MTUS2: variants seen among roughly 807,000 people sequenced by gnomAD.
MTUS2 encodes microtubule associated scaffold protein 2.
Under a neutral mutation model 114.1 loss-of-function variants are expected in MTUS2, and 40 were observed. The observed-to-expected ratio is 0.35, with a 90% CI of 0.27 to 0.46. The LOEUF (loss-of-function observed/expected upper bound fraction) is 0.46. MTUS2 is among the 20% of genes least tolerant of loss of function. The probability of loss-of-function intolerance (pLI) is 1.00; values close to 1 mark genes in which losing one functional copy is unlikely to be tolerated. For missense variants in MTUS2, 1,679 were observed against 1,705.4 expected (o/e 0.98, Z 0.27); for synonymous variants, 688 against 672.0 (o/e 1.02, Z -0.37).
intron 5 of MTUS2, among the ~76,000 whole-genome samples, chr13:29,161,454 G>A (rs770844470): frequency 1.3e-5 from 2 of 151,172 alleles, no homozygotes; most frequent in South Asian, 2.1e-4. Context: ...TATAGTATAC[G>A]TTATAGCTTG....
Position 29,181,211 on chromosome 13 carries a change from G to A in MTUS2, c.2644+80241G>A, listed in dbSNP as rs553717862. On this transcript the variant is annotated intron_variant, in intron 5 of 15. Transcript: ENST00000612955. Reference sequence around the variant, plus strand: ...GCTGCACTGGAACATCTGTTCCTTAGTACCGACTGTGTAACCCTATCAGCC... The same window carrying A: ...GCTGCACTGGAACATCTGTTCCTTAATACCGACTGTGTAACCCTATCAGCC... 2.2e-4 allele frequency among the ~76,000 whole-genome samples: 25 copies of A among 115,710 alleles called. 1 individual carries two copies. Among genetic ancestry groups the A allele is most frequent in the African/African-American group, 8.0e-4 (25 of 31,408 alleles). The allele number at this position is 115,710 out of a possible 152,430, so 75.9% of individuals were successfully genotyped here. A position where few individuals can be genotyped will look rare whatever the true frequency, so the allele number is the denominator to read the frequency against.
intron 2 of MTUS2, among the ~76,000 whole-genome samples, chr13:28,944,245 T>C (rs1882397924): frequency 6.6e-6 from 1 of 152,204 alleles, no homozygotes; most frequent in Admixed American, 6.5e-5. Flanking sequence ...TATTGCTTTC[T>C]AGCTATTCTG....
At chr13:29,359,505 AT>A (rs2138228595) in intron 8 of MTUS2, 32 bp downstream of exon 8, 1 of 1,586,308 alleles carries the variant, frequency 6.3e-7, no homozygotes, top group Non-Finnish European at 8.6e-7. Flanking sequence ...GTCCAAGGGC[AT>A]TTTGGTTGGA....
chr13:28,821,659 A>G (rs1266953162), intron 1 of MTUS2, among the ~76,000 whole-genome samples: 2 of 152,350 alleles, frequency 1.3e-5, no homozygotes, highest in African/African-American at 4.8e-5. Context: ...GTCTGGGCTG[A>G]TACCTTGATA....
chr13:29,305,360 G>GA (rs143560828), intron 6 of MTUS2, among the ~76,000 whole-genome samples: 12 of 151,664 alleles, frequency 7.9e-5, no homozygotes, highest in African/African-American at 2.7e-4. Flanking sequence ...CTAGTTTTGT[G>GA]AAAAAAAAAG....
chr13:29,349,641 G>C (rs1172768916), intron 7 of MTUS2, among the ~76,000 whole-genome samples: 4 of 152,004 alleles, frequency 2.6e-5, no homozygotes, highest in African/African-American at 4.8e-5. Context: ...GCTTTGTTCA[G>C]AATCCAAGTT....
chr13:29,072,660 CA>C (rs1339013066), intron 4 of MTUS2, among the ~76,000 whole-genome samples: 2 of 152,132 alleles, frequency 1.3e-5, no homozygotes, highest in Non-Finnish European at 2.9e-5. Context: ...AATTTGCTCA[CA>C]AAAAATATTG....
intron 8 of MTUS2, among the ~76,000 whole-genome samples, chr13:29,372,957 G>GT (rs1320125414): frequency 6.6e-6 from 1 of 150,996 alleles, no homozygotes; most frequent in African/African-American, 2.5e-5. Flanking sequence ...AGGATATGCA[G>GT]TGGGCAGATT....
intron 6 of MTUS2, among the ~76,000 whole-genome samples, chr13:29,289,105 T>C (rs1898604185): frequency 6.6e-6 from 1 of 152,250 alleles, no homozygotes; most frequent in Non-Finnish European, 1.5e-5. Flanking sequence ...AAGATTTTGG[T>C]TCAGGGGCAC....
intron 9 of MTUS2, among the ~76,000 whole-genome samples, chr13:29,451,788 A>G (rs1403228046): frequency 2.6e-5 from 4 of 152,180 alleles, no homozygotes; most frequent in African/African-American, 9.6e-5. Flanking sequence ...GGGTTTCACC[A>G]TATTTCTCCA....
chr13:28,890,781 G>A (rs1043088963), intron 2 of MTUS2, among the ~76,000 whole-genome samples: 2 of 152,100 alleles, frequency 1.3e-5, no homozygotes, highest in Non-Finnish European at 2.9e-5. Context: ...CTGTCATCTA[G>A]TCTCATGGCT....
chr13:29,115,958 G>A (rs936870385), intron 5 of MTUS2, among the ~76,000 whole-genome samples: 1 of 152,214 alleles, frequency 6.6e-6, no homozygotes, highest in Admixed American at 6.5e-5. Context: ...CCATAACAGA[G>A]CATGATATCA....
At chr13:29,268,526 T>C (rs1341276930) in intron 5 of MTUS2, among the ~76,000 whole-genome samples, 2 of 152,186 alleles carry the variant, frequency 1.3e-5, no homozygotes, top group African/African-American at 2.4e-5. Context: ...GTGGCAGCCA[T>C]GCTCGTCCCT....
intron 6 of MTUS2, among the ~76,000 whole-genome samples, chr13:29,291,153 C>T (rs1898695505): frequency 6.6e-6 from 1 of 152,168 alleles, no homozygotes; most frequent in Non-Finnish European, 1.5e-5. Context: ...TTCTTAGAGA[C>T]ACTGATAGCA....
rs761441774 is a variant in MTUS2, at chr13:28,991,399, C to T, written c.-242-33058C>T. 1.0e-3 allele frequency among the ~76,000 whole-genome samples: 145 copies of T among 145,636 alleles called. 1 individual carries two copies. The highest frequency in any genetic ancestry group is 5.3e-3 in the East Asian group (26 of 4,914). On this transcript the variant is annotated intron_variant, in intron 2 of 15. Coordinates refer to ENST00000612955, the MANE Select transcript of MTUS2 (RefSeq NM_001033602.4). ...TTTTTTTTTTTTTGAGACGGAGTCT[C>T]GCTCTGCCACCCAGGCTGGAGTGCA...
Position 29,389,745 on chromosome 13 carries a change from ACATACATATGTG to A in MTUS2, c.3117+30273_3117+30284del, listed in dbSNP as rs1873147093. On this transcript the variant is annotated intron_variant, in intron 8 of 15. Transcript: ENST00000612955. Reference sequence around the variant, plus strand: ...CATACATATGTGTGTATATGTATATACATACATATGTGTGTATATGTATATACATACATATGT... The same window carrying A: ...CATACATATGTGTGTATATGTATATATGTATATGTATATACATACATATGT... 2.2e-4 allele frequency among the ~76,000 whole-genome samples: 11 copies of A among 49,822 alleles called. 1 individual carries two copies. Among genetic ancestry groups the A allele is most frequent in the African/African-American group, 6.5e-4 (10 of 15,450 alleles). The allele number at this position is 49,822 out of a possible 152,430, so 32.7% of individuals were successfully genotyped here. A position where few individuals can be genotyped will look rare whatever the true frequency, so the allele number is the denominator to read the frequency against.
intron 9 of MTUS2, among the ~76,000 whole-genome samples, chr13:29,469,097 C>G (rs115604271): frequency 6.6e-6 from 1 of 152,190 alleles, no homozygotes; most frequent in Admixed American, 6.5e-5. Context: ...CCTCGTTTGA[C>G]GGATGAGAAT....
Position 29,100,818 on chromosome 13 carries a change from T to C in MTUS2, c.2492T>C (p.Leu831Pro), listed in dbSNP as rs1890380306. 2 of 1,551,658 alleles carry C rather than the reference T, an allele frequency of 1.3e-6. No homozygotes were observed. The highest frequency in any genetic ancestry group is 1.7e-6 in the Non-Finnish European group (2 of 1,147,002). ...AGTTCAAATGCTGCAAAATCCAATC[T>C]CCCGAAATCTGGTCTCCGTCCTCCC... Reference protein sequence around the residue: ...ASSSNAAKSNLPKSGLRPPGY... With the variant: ...ASSSNAAKSNPPKSGLRPPGY... The change falls in exon 5 of 16, where the codon CTC becomes CCC. Residue 831 changes from leucine (L) to proline (P), a missense_variant. Leu to Pro is a moderately conservative substitution (Grantham distance 98). Transcript: ENST00000612955.
At chr13:29,057,107 T>C (rs2138628199) in intron 4 of MTUS2, among the ~76,000 whole-genome samples, 1 of 152,212 alleles carries the variant, frequency 6.6e-6, no homozygotes, top group Non-Finnish European at 1.5e-5. Flanking sequence ...CATGTAATTG[T>C]ATGGTTTTGA....
Sources: allele counts gnomAD v4.1 joint callset (sites outside exome capture counted in the v4.1 genomes callset), GRCh38; gene constraint gnomAD v4.1.1; transcripts MANE v1.5; gene names NCBI Gene and HGNC (gene_info 2026-07-23, HGNC 2026-07-21).